Variants in ADGRB3 observed in about 807,000 individuals in gnomAD.
ADGRB3 encodes the protein adhesion G protein-coupled receptor B3, also known as brain-specific angiogenesis inhibitor 3.
In ADGRB3, 37 loss-of-function variants were observed where a neutral mutation model predicts 193.4. The ratio of observed to expected loss-of-function variants is 0.19; its 90% CI spans 0.15 to 0.25. The LOEUF (loss-of-function observed/expected upper bound fraction) is 0.25, where lower values mean the gene tolerates loss of function less well. ADGRB3 is among the 10% of genes least tolerant of loss of function. The pLI is 1.00. For missense variants in ADGRB3, 1,637 were observed against 1,852.9 expected (o/e 0.88, Z 2.14); for synonymous variants, 690 against 644.2 (o/e 1.07, Z -1.08).
intron 3 of ADGRB3, among the ~76,000 whole-genome samples, chr6:68,666,599 A>G (rs1389174872): frequency 6.6e-6 from 1 of 151,898 alleles, no homozygotes; most frequent in Non-Finnish European, 1.5e-5. Context: ...AAGTCTATCA[A>G]GATATTTTGA....
At chr6:68,983,739 G>A (rs936014493) in intron 10 of ADGRB3, among the ~76,000 whole-genome samples, 48 of 151,998 alleles carry the variant, frequency 3.2e-4, no homozygotes, top group African/African-American at 1.0e-3. Context: ...CAGGAGATGC[G>A]ATTAAAAATA....
chr6:68,936,647 T>A lies in ADGRB3; in HGVS notation c.997T>A (p.Ser333Thr). Residue 333 changes from serine to threonine, a missense_variant, in exon 5 of 32, where the codon TCA (serine) becomes ACA (threonine). Ser to Thr is a moderately conservative substitution (Grantham distance 58). Transcript: ENST00000370598. Reference sequence around the variant, plus strand: ...ACACTGCAGCGGCCCATTAAGAGAATCAAGGGTTTGCAATAACACTGCCCT... The same window carrying A: ...ACACTGCAGCGGCCCATTAAGAGAAACAAGGGTTTGCAATAACACTGCCCT... ...GTHCSGPLRE[S>T]RVCNNTALCP... The A allele has an allele frequency of 1.2e-6, 2 of 1,613,658 alleles. No homozygotes were observed. The highest frequency in any genetic ancestry group is 1.7e-6 in the Non-Finnish European group (2 of 1,179,886).
chr6:69,333,035 G>A (rs1458988062), intron 24 of ADGRB3, 27 bp downstream of exon 24: 1 of 1,606,816 alleles, frequency 6.2e-7, no homozygotes, highest in Non-Finnish European at 8.5e-7. Flanking sequence ...GGATTTTGAA[G>A]GTTATTTATC....
At chr6:68,866,082 G>A (rs938708601) in intron 3 of ADGRB3, among the ~76,000 whole-genome samples, 1 of 150,366 alleles carries the variant, frequency 6.7e-6, no homozygotes, top group Non-Finnish European at 1.5e-5. Flanking sequence ...CAGAAGGTGG[G>A]TTACTTAAAA....
intron 11 of ADGRB3, among the ~76,000 whole-genome samples, chr6:69,011,771 G>A (rs1299729517): frequency 6.6e-6 from 1 of 152,030 alleles, no homozygotes; most frequent in African/African-American, 2.4e-5. Flanking sequence ...ATACACTGAT[G>A]AACAAGAAAG....
intron 17 of ADGRB3, among the ~76,000 whole-genome samples, chr6:69,230,148 A>C (rs1345203666): frequency 1.3e-5 from 2 of 152,194 alleles, no homozygotes; most frequent in East Asian, 3.9e-4. Flanking sequence ...ATAGGACACT[A>C]TGAAAAGTAA....
intron 3 of ADGRB3, among the ~76,000 whole-genome samples, chr6:68,787,005 G>C (rs1180107030): frequency 6.6e-6 from 1 of 152,134 alleles, no homozygotes; most frequent in Non-Finnish European, 1.5e-5. Flanking sequence ...CATTGATTTT[G>C]TATCCTGAGA....
chr6:69,059,257 T>C lies in ADGRB3; in HGVS notation c.2334-3677T>C, dbSNP rs114432603. ...GTTTTTGACTTGAAGTCTATTTTGTTTGATATAAGTGTAGCCAACCTCATT... is the reference window on the plus strand; with the variant it reads ...GTTTTTGACTTGAAGTCTATTTTGTCTGATATAAGTGTAGCCAACCTCATT... On this transcript the variant is annotated intron_variant, in intron 15 of 31. Coordinates refer to ENST00000370598, the MANE Select transcript of ADGRB3 (RefSeq NM_001704.3). Among the ~76,000 whole-genome samples, 890 of 152,228 alleles carry C rather than the reference T, an allele frequency of 5.8e-3. 9 individuals are homozygous for C. Among genetic ancestry groups the C allele is most frequent in the African/African-American group, 0.02 (824 of 41,554 alleles).
Position 69,324,862 on chromosome 6 carries a change from G to A in ADGRB3, c.2815-10G>A. The A allele has an allele frequency of 6.2e-7, 1 of 1,611,276 alleles. No homozygotes were observed. The highest frequency in any genetic ancestry group is 8.5e-7 in the Non-Finnish European group (1 of 1,178,584). On this transcript the variant is annotated splice_polypyrimidine_tract_variant and intron_variant, in intron 20 of 31. Coordinates refer to ENST00000370598, the MANE Select transcript of ADGRB3 (RefSeq NM_001704.3). Reference sequence around the variant, plus strand: ...TCAGTGTGAGTCTTTTTGTTTGTTTGTTTCCACAGAGTATCTGCACAACCA... The same window carrying A: ...TCAGTGTGAGTCTTTTTGTTTGTTTATTTCCACAGAGTATCTGCACAACCA...
At chr6:69,327,113 A>G (rs556956857) in intron 21 of ADGRB3, among the ~76,000 whole-genome samples, 255 of 151,602 alleles carry the variant, frequency 1.7e-3, no homozygotes, top group Non-Finnish European at 2.8e-3. Flanking sequence ...AAAGGCAAAC[A>G]TGATCTTCCT....
chr6:69,367,329 C>T (rs1282370680), intron 29 of ADGRB3, among the ~76,000 whole-genome samples: 1 of 152,076 alleles, frequency 6.6e-6, no homozygotes, highest in East Asian at 1.9e-4. Flanking sequence ...AAGATTGTCA[C>T]AATGTGTCTT....
At chr6:68,903,956 A>G (rs1180666998) in intron 3 of ADGRB3, among the ~76,000 whole-genome samples, 2 of 146,624 alleles carry the variant, frequency 1.4e-5, no homozygotes, top group African/African-American at 5.0e-5. Context: ...TGAGTGTGCC[A>G]TTACACTCAA....
intron 6 of ADGRB3, among the ~76,000 whole-genome samples, chr6:68,947,500 G>T (rs1767804617): frequency 6.6e-6 from 1 of 151,958 alleles, no homozygotes; most frequent in Non-Finnish European, 1.5e-5. Flanking sequence ...GGACTTTCTT[G>T]ACATGAACAT....
At chr6:69,215,835 G>A (rs1033037503) in intron 17 of ADGRB3, among the ~76,000 whole-genome samples, 4 of 152,148 alleles carry the variant, frequency 2.6e-5, no homozygotes, top group African/African-American at 9.7e-5. Context: ...GTGGGTGGTT[G>A]TCTTCCACAC....
At chr6:69,177,766 G>T (rs1374657025) in intron 17 of ADGRB3, among the ~76,000 whole-genome samples, 1 of 152,070 alleles carries the variant, frequency 6.6e-6, no homozygotes, top group African/African-American at 2.4e-5. Context: ...CTTGGTATTG[G>T]TTTTCATTTT....
rs76499399 is a variant in ADGRB3 at position 69,306,657 on chromosome 6, A to G, written c.2815-18215A>G. ...TTATTTCTGACTACAGGTCATACTC[A>G]CTACCTAATTCTGAGATTACAATGA... On this transcript the variant is annotated intron_variant, in intron 20 of 31. Transcript: ENST00000370598. Among the ~76,000 whole-genome samples, 653 of 151,654 alleles carry G rather than the reference A, an allele frequency of 4.3e-3. 1 individual carries two copies. The highest frequency in any genetic ancestry group is 6.4e-3 in the Non-Finnish European group (433 of 67,832).
chr6:69,064,411 A>AAAAGC (rs1771838941), intron 16 of ADGRB3, among the ~76,000 whole-genome samples: 1 of 151,776 alleles, frequency 6.6e-6, no homozygotes, highest in Admixed American at 6.6e-5. Context: ...CTTTTGTCAA[A>AAAAGC]ATGTGACCAT....
At chr6:69,019,479 A>G (rs1451989838) in intron 13 of ADGRB3, among the ~76,000 whole-genome samples, 2 of 151,890 alleles carry the variant, frequency 1.3e-5, no homozygotes, top group Non-Finnish European at 2.9e-5. Context: ...GGTTCATTTT[A>G]TACTTAATTT....
chr6:68,862,746 C>T (rs1582263848), intron 3 of ADGRB3, among the ~76,000 whole-genome samples: 1 of 152,136 alleles, frequency 6.6e-6, no homozygotes, highest in East Asian at 1.9e-4. Context: ...CCTTTCTTTT[C>T]CACTAAGGCT....
Sources: gnomAD v4.1 joint callset for allele counts (sites outside exome capture counted in the v4.1 genomes callset) on GRCh38, gnomAD v4.1.1 for gene constraint, MANE v1.5 for transcripts, NCBI Gene and HGNC (gene_info 2026-07-23, HGNC 2026-07-21) for gene names.